KIAA1755: variants seen among roughly 807,000 people sequenced by gnomAD.
The protein encoded by KIAA1755 is uncharacterized protein KIAA1755.
In KIAA1755, 68 loss-of-function variants were observed where a neutral mutation model predicts 91.7. The observed-to-expected ratio is 0.74, with a 90% CI of 0.61 to 0.91. The LOEUF (loss-of-function observed/expected upper bound fraction) is 0.91. KIAA1755 is among the 40% of genes least tolerant of loss of function. KIAA1755 has a pLI of 0.00. For synonymous variants in KIAA1755, 610 were observed against 604.6 expected, an observed-to-expected ratio of 1.01 and a Z score of -0.13; for missense variants, 1,535 against 1,494.4, an observed-to-expected ratio of 1.03 and a Z score of -0.45.
At chr20:38,236,674 C>T (rs1205451) in intron 4 of KIAA1755, 50,438 of 152,078 alleles carry the variant, frequency 0.33, 8,475 homozygotes, top group Middle Eastern at 0.51. Flanking sequence ...GACTGAGAAT[C>T]GACCCCTGGA....
intron 13 of KIAA1755, chr20:38,217,039 T>C: frequency 1.5e-6 from 1 of 646,184 alleles, no homozygotes; most frequent in Non-Finnish European, 2.8e-6. Flanking sequence ...CCTCCGACTG[T>C]GTCTGGGTAT....
At position 38,217,254 on chromosome 20, in the gene KIAA1755, C is replaced by T. The variant is rs1839918984; in HGVS notation, c.2900G>A (p.Arg967Lys). 3 of 1,595,590 alleles carry T rather than the reference C, an allele frequency of 1.9e-6. No individual in the cohort carries two copies. Among genetic ancestry groups the T allele is most frequent in the Non-Finnish European group, 2.6e-6 (3 of 1,173,158 alleles). ...GTGCAGGTGGGCCGCGGGGCTCACC[C>T]TCTTGCAGAAGCGGTGCAGGTGGAG... Reference protein sequence around the residue: ...TLLHLHRFCKRMTWFHMDCQD... With the variant: ...TLLHLHRFCKKMTWFHMDCQD... The change falls in exon 13 of 14, where the codon AGG (arginine) becomes AAG (lysine). Residue 967 changes from arginine to lysine, a missense_variant and splice_region_variant. Arg to Lys is a conservative substitution (Grantham distance 26). Transcript: ENST00000279024.
At chr20:38,222,281 C>T (rs2075672476) in intron 10 of KIAA1755, among the ~76,000 whole-genome samples, 168 bp downstream of exon 10, 1 of 152,238 alleles carries the variant, frequency 6.6e-6, no homozygotes, top group African/African-American at 2.4e-5. Flanking sequence ...GGGCTCAGGG[C>T]AGGTTTCTGT....
chr20:38,232,038 G>A (rs556037527), intron 4 of KIAA1755, among the ~76,000 whole-genome samples: 1 of 152,298 alleles, frequency 6.6e-6, no homozygotes, highest in South Asian at 2.1e-4. Flanking sequence ...TCATGGGGAG[G>A]AAAGGGGAGG....
At chr20:38,248,851 G>C (rs117264759) in intron 1 of KIAA1755, among the ~76,000 whole-genome samples, 2 of 143,072 alleles carry the variant, frequency 1.4e-5, no homozygotes, top group Non-Finnish European at 3.1e-5. Flanking sequence ...ATGAGCCACC[G>C]TGCTTGGCCT....
At chr20:38,248,741 C>T (rs1055334149) in intron 1 of KIAA1755, among the ~76,000 whole-genome samples, 2 of 150,978 alleles carry the variant, frequency 1.3e-5, no homozygotes, top group African/African-American at 4.9e-5. Context: ...CTCTGTTGCC[C>T]AGGCTGGAGT....
At chr20:38,255,831 A>G (rs528508882) in intron 1 of KIAA1755, among the ~76,000 whole-genome samples, 2 of 152,232 alleles carry the variant, frequency 1.3e-5, no homozygotes, top group South Asian at 4.1e-4. Context: ...TATCATCTGC[A>G]TGACCTCGAC....
At chr20:38,260,461 G>A (rs893330506) in intron 1 of KIAA1755, 37 bp downstream of exon 1, 6 of 1,515,220 alleles carry the variant, frequency 4.0e-6, no homozygotes, top group Non-Finnish European at 5.3e-6. Flanking sequence ...CCACTGAAAG[G>A]GGGCAGAGCG....
At chr20:38,257,579 TA>T (rs1219977631) in intron 1 of KIAA1755, among the ~76,000 whole-genome samples, 8,825 of 90,164 alleles carry the variant, frequency 0.098, 507 homozygotes, top group African/African-American at 0.23. Flanking sequence ...AGACTCCATC[TA>T]AAAAAAAAAA....
rs1478175850 is a variant in KIAA1755 at position 38,212,990 on chromosome 20, G to A, written c.*52C>T. ...AGAGCTCCCAGCTACCCCTCCAGCT[G>A]GGCCCTGGCCCAGTGCTCCTGGAGG... On this transcript the variant is annotated 3_prime_UTR_variant, in exon 14 of 14. Transcript: ENST00000279024. 6 of 1,420,262 alleles carry A rather than the reference G, an allele frequency of 4.2e-6. No individual in the cohort carries two copies. Among genetic ancestry groups the A allele is most frequent in the East Asian group, 2.3e-5 (1 of 42,958 alleles). The allele number at this position is 1,420,262 out of a possible 1,614,324, so 88.0% of individuals were successfully genotyped here.
chr20:38,232,748 A>G (rs1337274201), intron 4 of KIAA1755, among the ~76,000 whole-genome samples: 4 of 152,110 alleles, frequency 2.6e-5, no homozygotes, highest in African/African-American at 9.7e-5. Flanking sequence ...TTCGAAAGTA[A>G]AGACATTTTG....
At chr20:38,259,294 G>A (rs758259375) in intron 1 of KIAA1755, among the ~76,000 whole-genome samples, 9 of 152,134 alleles carry the variant, frequency 5.9e-5, no homozygotes, top group African/African-American at 1.4e-4. Flanking sequence ...GTAGGTGCCC[G>A]GTTTTGCAAT....
chr20:38,238,292 ACAGATAAGGTCT>A (rs1332950889), intron 4 of KIAA1755, among the ~76,000 whole-genome samples: 2 of 152,186 alleles, frequency 1.3e-5, no homozygotes, highest in Admixed American at 1.3e-4. Flanking sequence ...CAGGAAAATG[ACAGATAAGGTCT>A]CCTGGGAGCT....
At chr20:38,224,639 C>T (rs1210650121) in intron 8 of KIAA1755, among the ~76,000 whole-genome samples, 1 of 152,128 alleles carries the variant, frequency 6.6e-6, no homozygotes, top group Admixed American at 6.5e-5. Context: ...ACCAAGCATG[C>T]CGCAATACAC....
In KIAA1755 at chr20:38,222,587, C is replaced by G; in HGVS notation, c.2279G>C (p.Arg760Thr). Residue 760 changes from arginine to threonine, a missense_variant, in exon 10 of 14, where the codon AGG becomes ACG. Physicochemically the swap from Arg to Thr is moderately conservative, Grantham distance 71. Transcript: ENST00000279024. Reference sequence around the variant, plus strand: ...CAGCTCCTTGGACTTGCTCAGGCACCTGGTAGCCTCCTGCCAGCGTAGGGA... The same window carrying G: ...CAGCTCCTTGGACTTGCTCAGGCACGTGGTAGCCTCCTGCCAGCGTAGGGA... ...DPPGGMQEAT[R>T]CLSKSKELME... The G allele has an allele frequency of 2.5e-6, 4 of 1,612,428 alleles. No individual in the cohort carries two copies. Among genetic ancestry groups the G allele is most frequent in the Non-Finnish European group, 3.4e-6 (4 of 1,179,980 alleles).
intron 1 of KIAA1755, among the ~76,000 whole-genome samples, chr20:38,251,361 G>C (rs1370546554): frequency 3.3e-5 from 5 of 152,136 alleles, no homozygotes; most frequent in African/African-American, 1.2e-4. Context: ...TCCAGTCTGT[G>C]ACATACCTTG....
At chr20:38,214,689 C>T (rs925569652) in intron 13 of KIAA1755, among the ~76,000 whole-genome samples, 7 of 152,238 alleles carry the variant, frequency 4.6e-5, no homozygotes, top group African/African-American at 9.6e-5. Context: ...CTGTCAGCCA[C>T]ACCAGGCCCG....
chr20:38,245,943 G>T lies in KIAA1755; in HGVS notation c.187C>A (p.Arg63=). 6.2e-7 allele frequency: 1 copy of T among 1,614,056 alleles called. No homozygotes were observed. The highest frequency in any genetic ancestry group is 8.5e-7 in the Non-Finnish European group (1 of 1,179,976). Residue 63 remains arginine, a synonymous_variant, in exon 2 of 14, where the codon CGA becomes AGA. Transcript: ENST00000279024. ...IPAKRLCEQV[R]EAACAPYSHC... is the part of the protein sequence containing the mutation. ...TCTTGACTTACACAGGCTGCTTCTC[G>T]CACTTGCTCACACAGGCGCTTGGCA... is the stretch of plus-strand genomic sequence containing the variant.
At chr20:38,218,547 G>A (rs1386462319) in intron 11 of KIAA1755, among the ~76,000 whole-genome samples, 181 bp from the exon 12 acceptor site, 2 of 152,234 alleles carry the variant, frequency 1.3e-5, no homozygotes, top group Non-Finnish European at 2.9e-5. Flanking sequence ...GACTTGGGGA[G>A]GGGGAGTGTG....
Sources: allele counts gnomAD v4.1 joint callset (sites outside exome capture counted in the v4.1 genomes callset), GRCh38; gene constraint gnomAD v4.1.1; transcripts MANE v1.5; gene names NCBI Gene and HGNC (gene_info 2026-07-23, HGNC 2026-07-21).